MAOB: variants seen among roughly 807,000 people sequenced by gnomAD.
The protein encoded by MAOB is monoamine oxidase B, also known as amine oxidase [flavin-containing] B.
In MAOB, 15 loss-of-function variants were observed where a neutral mutation model predicts 41.9. That is an observed-to-expected ratio of 0.36 (90% CI 0.24 to 0.55). The LOEUF is 0.55. Among genes scored for constraint, MAOB ranks in the 20% least tolerant of loss-of-function variants. The probability of loss-of-function intolerance (pLI) is 0.86; values close to 1 mark genes in which losing one functional copy is unlikely to be tolerated. For synonymous variants in MAOB, 167 were observed against 144.2 expected (o/e 1.16, Z -1.13); for missense variants, 345 against 398.7 (o/e 0.87, Z 1.15).
At chrX:43,833,592 T>C (rs181839580) in intron 3 of MAOB, among the ~76,000 whole-genome samples, 1 of 111,797 alleles carries the variant, frequency 8.9e-6, no homozygotes, top group Admixed American at 9.5e-5. Flanking sequence ...GTATAGAAGC[T>C]GTAAAATTTT....
chrX:43,870,285 A>G (rs2035393006), intron 1 of MAOB, among the ~76,000 whole-genome samples: 1 of 112,045 alleles, frequency 8.9e-6, no homozygotes, highest in South Asian at 3.7e-4. Context: ...CCATATTTTG[A>G]GCACTTCCAG....
intron 8 of MAOB, among the ~76,000 whole-genome samples, chrX:43,787,534 C>T (rs918573393): frequency 3.6e-5 from 4 of 112,096 alleles, no homozygotes; most frequent in African/African-American, 1.3e-4. Context: ...GAAGAAAATA[C>T]TAGAGATTCT....
At chrX:43,779,855 C>T (rs1259526437) in intron 10 of MAOB, among the ~76,000 whole-genome samples, 2 of 111,589 alleles carry the variant, frequency 1.8e-5, no homozygotes, top group African/African-American at 3.3e-5. Context: ...CTGGTGAACA[C>T]TAATTGCAAG....
At chrX:43,769,473 G>A in intron 12 of MAOB, 55 bp from the exon 13 acceptor site, 1 of 1,151,829 alleles carries the variant, frequency 8.7e-7, no homozygotes. Context: ...TCAGAGAAAA[G>A]TTTTCCCATA....
At chrX:43,805,728 A>C (rs2034654735) in intron 3 of MAOB, among the ~76,000 whole-genome samples, 1 of 112,160 alleles carries the variant, frequency 8.9e-6, no homozygotes, top group South Asian at 3.7e-4. Context: ...AACTGCTATA[A>C]ACATTCTTGT....
chrX:43,870,425 C>A (rs751987040), intron 1 of MAOB, among the ~76,000 whole-genome samples: 3 of 111,268 alleles, frequency 2.7e-5, no homozygotes, highest in African/African-American at 9.8e-5. Context: ...GCTCTCAGGG[C>A]ACCAAAGAGT....
At chrX:43,785,716 C>T (rs997191855) in intron 8 of MAOB, among the ~76,000 whole-genome samples, 1 of 111,682 alleles carries the variant, frequency 9.0e-6, no homozygotes, top group African/African-American at 3.3e-5. Context: ...ATTCATTGGC[C>T]TTATTTCATT....
intron 9 of MAOB, among the ~76,000 whole-genome samples, chrX:43,780,762 C>T (rs1432303649): frequency 1.8e-5 from 2 of 111,828 alleles, no homozygotes; most frequent in African/African-American, 6.5e-5. Context: ...CCAGTCCTTG[C>T]TCTTTGGTTT....
At chrX:43,782,838 T>G (rs2034351067) in intron 8 of MAOB, among the ~76,000 whole-genome samples, 1 of 111,745 alleles carries the variant, frequency 8.9e-6, no homozygotes, top group Non-Finnish European at 1.9e-5. Flanking sequence ...TGGTTCAACA[T>G]ATGCAAATCA....
intron 7 of MAOB, 101 bp downstream of exon 7, chrX:43,795,638 G>A: frequency 1.4e-6 from 1 of 689,877 alleles, no homozygotes; most frequent in East Asian, 3.3e-5. Context: ...TCAATCATTG[G>A]CATCAAAGGA....
intron 3 of MAOB, among the ~76,000 whole-genome samples, chrX:43,823,318 G>A (rs1236176506): frequency 9.2e-6 from 1 of 108,461 alleles, no homozygotes; most frequent in African/African-American, 3.4e-5. Context: ...GATTACAGGT[G>A]TGTGCCACCA....
At chrX:43,778,886 G>A in intron 10 of MAOB, 147 bp from the exon 11 acceptor site, 1 of 465,839 alleles carries the variant, frequency 2.1e-6, no homozygotes, top group South Asian at 3.7e-5. Context: ...TTAAAACAAG[G>A]CATTTTGTTC....
intron 3 of MAOB, among the ~76,000 whole-genome samples, chrX:43,811,235 A>G (rs1348889015): frequency 9.0e-6 from 1 of 111,094 alleles, no homozygotes; most frequent in Non-Finnish European, 1.9e-5. Flanking sequence ...TCTGTTCTGG[A>G]GGTAAAGACC....
intron 11 of MAOB, among the ~76,000 whole-genome samples, chrX:43,778,389 G>A (rs2034287034): frequency 9.0e-6 from 1 of 110,619 alleles, no homozygotes; most frequent in African/African-American, 3.3e-5. Flanking sequence ...TAACAGAACT[G>A]GAAGCAGAGT....
rs745465689 is a variant in MAOB at position 43,781,317 on chromosome X, G to A, written c.1025+131C>T. 44 of 324,687 alleles carry A rather than the reference G, an allele frequency of 1.4e-4. No homozygotes were observed. In the South Asian group the frequency reaches 1.6e-3, roughly 12 times the overall value. 26.8% of individuals were successfully genotyped at this position (324,687 alleles called of 1,213,427 possible). A position where few individuals can be genotyped will look rare whatever the true frequency, so the allele number is the denominator to read the frequency against. ...AAGAACCAGTAATAATTTTTGTACC[G>A]CTGAATTTGAAAAATAATACCACTG... On this transcript the variant is annotated intron_variant, in intron 9 of 14. Transcript: ENST00000378069.
At position 43,793,510 on chromosome X, in the gene MAOB, T is replaced by C. The variant is rs146482250; in HGVS notation, c.837A>G (p.Pro279=). The C allele has an allele frequency of 2.1e-4, 257 of 1,199,022 alleles. No homozygotes were observed. The African/African-American group carries it at 3.8e-3, about 18-fold the overall frequency. Reference sequence around the variant, plus strand: ...GAGTGATCATCTGGTTTCTCATCATTGGCAGAGGGGGATTGAAGTGAATCT... The same window carrying C: ...GAGTGATCATCTGGTTTCTCATCATCGGCAGAGGGGGATTGAAGTGAATCT... The part of the protein sequence containing the change: ...GMKIHFNPPL[P]MMRNQMITRV... Residue 279 remains proline (P), a synonymous_variant, in exon 8 of 15, where the codon CCA becomes CCG. Coordinates refer to ENST00000378069, the MANE Select transcript of MAOB (RefSeq NM_000898.5).
At chrX:43,787,387 C>T (rs2034413620) in intron 8 of MAOB, among the ~76,000 whole-genome samples, 1 of 111,265 alleles carries the variant, frequency 9.0e-6, no homozygotes, top group Non-Finnish European at 1.9e-5. Flanking sequence ...TCCTACCTGA[C>T]ATAATATATA....
chrX:43,854,791 A>C (rs1233814861), intron 1 of MAOB, among the ~76,000 whole-genome samples: 1 of 111,721 alleles, frequency 9.0e-6, no homozygotes, highest in East Asian at 2.8e-4. Context: ...AATAATCTAG[A>C]ACTTAAGTGA....
At chrX:43,772,526 AATGCAGTGAT>A (rs1393717426) in intron 12 of MAOB, among the ~76,000 whole-genome samples, 1 of 112,005 alleles carries the variant, frequency 8.9e-6, no homozygotes, top group Non-Finnish European at 1.9e-5. Flanking sequence ...AAACAAAAGT[AATGCAGTGAT>A]AGCTGTTCTC....
Sources: gnomAD v4.1 joint callset for allele counts (sites outside exome capture counted in the v4.1 genomes callset) on GRCh38, gnomAD v4.1.1 for gene constraint, MANE v1.5 for transcripts, NCBI Gene and HGNC (gene_info 2026-07-23, HGNC 2026-07-21) for gene names.